Variants in RABL6 observed in about 807,000 individuals in gnomAD.
The protein encoded by RABL6 is RAB, member RAS oncogene family like 6.
RABL6 carries 28 observed loss-of-function variants against 72.9 expected under a neutral mutation model. The ratio of observed to expected loss-of-function variants is 0.38; its 90% CI spans 0.28 to 0.53. The LOEUF is 0.53. Ranked by LOEUF, RABL6 falls within the 20% of genes least tolerant of loss-of-function variation. The pLI, the probability that RABL6 is intolerant of heterozygous loss-of-function variation, is 0.80. For synonymous variants in RABL6, 477 were observed against 421.2 expected, an observed-to-expected ratio of 1.13 and a Z score of -1.62; for missense variants, 1,029 against 1,008.4, an observed-to-expected ratio of 1.02 and a Z score of -0.28.
At chr9:136,834,679 A>T (rs1025699519) in intron 7 of RABL6, among the ~76,000 whole-genome samples, 6 of 152,056 alleles carry the variant, frequency 3.9e-5, no homozygotes, top group African/African-American at 1.2e-4. Context: ...GGGTTTTGCC[A>T]TATTGGCCAG....
At chr9:136,818,849 C>G (rs1848180436) in intron 1 of RABL6, among the ~76,000 whole-genome samples, 1 of 152,084 alleles carries the variant, frequency 6.6e-6, no homozygotes, top group Admixed American at 6.5e-5. Flanking sequence ...AGTAACACAG[C>G]CCAGGGTGAA....
chr9:136,834,062 T>C lies in RABL6; in HGVS notation c.706-1680T>C, dbSNP rs374629962. The C allele has an allele frequency of 3.6e-5, 52 of 1,437,594 alleles. No homozygotes were observed. The African/African-American group carries it at 6.9e-4, about 19-fold the overall frequency. 89.1% of individuals were successfully genotyped at this position (1,437,594 alleles called of 1,614,324 possible). A position where few individuals can be genotyped will look rare whatever the true frequency, so the allele number is the denominator to read the frequency against. ...AGGGCTGAGCTGTGTGTGACTATCCTTTTGCTATGGATGTGTTCAAGCAGA... is the reference window on the plus strand; with the variant it reads ...AGGGCTGAGCTGTGTGTGACTATCCCTTTGCTATGGATGTGTTCAAGCAGA... On this transcript the variant is annotated intron_variant, in intron 7 of 14. Coordinates refer to ENST00000311502, the MANE Select transcript of RABL6 (RefSeq NM_024718.5).
At position 136,808,229 on chromosome 9, in the gene RABL6, G is replaced by C; in HGVS notation, c.33G>C (p.Ser11=). The C allele has an allele frequency of 1.3e-6, 2 of 1,559,510 alleles. No individual in the cohort carries two copies. Among genetic ancestry groups the C allele is most frequent in the Non-Finnish European group, 1.7e-6 (2 of 1,154,780 alleles). The change falls in exon 1 of 15, where the codon TCG becomes TCC. Residue 11 remains serine, a synonymous_variant. Transcript: ENST00000311502. The part of the protein sequence containing the change: MFSALKKLVG[S]DQAPGRDKNI... ...CCGCCCTGAAGAAGCTGGTGGGGTCGGACCAGGCCCCGGGCCGGGACAAGA... is the reference window on the plus strand; with the variant it reads ...CCGCCCTGAAGAAGCTGGTGGGGTCCGACCAGGCCCCGGGCCGGGACAAGA...
chr9:136,840,550 G>A lies in RABL6; in HGVS notation c.*28G>A. ...CGGCGTGGGCAGTGGCCGCCCTGGG[G>A]CGGGGGGCGTGCCTGTCACTGCCTG... is the stretch of plus-strand genomic sequence containing the variant. On this transcript the variant is annotated 3_prime_UTR_variant, in exon 15 of 15. Transcript: ENST00000311502. 2 of 1,546,432 alleles carry A rather than the reference G, an allele frequency of 1.3e-6. No homozygotes were observed. The highest frequency in any genetic ancestry group is 1.7e-6 in the Non-Finnish European group (2 of 1,146,034).
chr9:136,831,728 A>G lies in RABL6; in HGVS notation c.466A>G (p.Asn156Asp). 3 of 1,613,210 alleles carry G rather than the reference A, an allele frequency of 1.9e-6. No homozygotes were observed. The highest frequency in any genetic ancestry group is 2.5e-6 in the Non-Finnish European group (3 of 1,179,800). The change falls in exon 6 of 15, where the codon AAT (asparagine) becomes GAT (aspartate). Residue 156 changes from asparagine (N) to aspartate (D), a missense_variant. By Grantham distance (23) the Asn-to-Asp change is conservative (BLOSUM62 1). Around this residue, in one of 2 missense-constraint regions of RABL6, gnomAD observed 434 missense variants for 536.1 expected, o/e 0.81. Coordinates refer to ENST00000311502, the MANE Select transcript of RABL6 (RefSeq NM_024718.5). The stretch of plus-strand genomic sequence containing the variant: ...CCTCACCTGTTCTCCGAGGACCTTC[A>G]ATTACATTCTCCGGGAGCTTCCAAA... The part of the protein sequence containing the change: ...MFDITKQWTF[N>D]YILRELPKVP...
intron 2 of RABL6, 25 bp from the exon 3 acceptor site, chr9:136,825,754 A>G (rs771030563): frequency 6.2e-7 from 1 of 1,611,522 alleles, no homozygotes; most frequent in Non-Finnish European, 8.5e-7. Flanking sequence ...GTTGGGCACT[A>G]ATTTTAGGAT....
In RABL6 at chr9:136,825,846, T is replaced by C; in HGVS notation, c.313+20T>C. On this transcript the variant is annotated intron_variant, in intron 3 of 14. Coordinates refer to ENST00000311502, the MANE Select transcript of RABL6 (RefSeq NM_024718.5). ...ACAAAGGTGAGGCGTCTCTGTTCTG[T>C]GTCTGCTTCTCTCTGGGACTGTGTG... 3 of 1,604,418 alleles carry C rather than the reference T, an allele frequency of 1.9e-6. No individual in the cohort carries two copies. The highest frequency in any genetic ancestry group is 2.6e-6 in the Non-Finnish European group (3 of 1,171,284).
chr9:136,821,963 T>G, intron 1 of RABL6: 2 of 1,289,206 alleles, frequency 1.6e-6, no homozygotes, highest in South Asian at 1.2e-5. Context: ...CGCCGAGATA[T>G]GACCAGAGGC....
rs1242059578 is a variant in RABL6 at position 136,813,271 on chromosome 9, G to GA, written c.130+4947dup. On this transcript the variant is annotated intron_variant, in intron 1 of 14. Coordinates refer to ENST00000311502, the MANE Select transcript of RABL6 (RefSeq NM_024718.5). ...CTGCTTTATCATCTTCAAATGAAGCGAACTGTAAGTGCATGCACACCCTTT... is the reference window on the plus strand; with the variant it reads ...CTGCTTTATCATCTTCAAATGAAGCGAAACTGTAAGTGCATGCACACCCTTT... The GA allele has an allele frequency of 5.2e-6, 3 of 573,620 alleles. No individual in the cohort carries two copies. In the Admixed American group the frequency reaches 7.7e-5, roughly 15 times the overall value. 35.5% of individuals were successfully genotyped at this position (573,620 alleles called of 1,614,324 possible). A position where few individuals can be genotyped will look rare whatever the true frequency, so the allele number is the denominator to read the frequency against.
At chr9:136,829,839 C>T (rs1000181719) in intron 5 of RABL6, among the ~76,000 whole-genome samples, 4 of 152,254 alleles carry the variant, frequency 2.6e-5, no homozygotes, top group African/African-American at 7.2e-5. Flanking sequence ...TCTTCATGAC[C>T]TAGGAGGACC....
chr9:136,828,315 G>T (rs1316940074), intron 3 of RABL6, 179 bp from the exon 4 acceptor site: 3 of 627,362 alleles, frequency 4.8e-6, no homozygotes, highest in African/African-American at 1.8e-5. Flanking sequence ...CTACAGAGGG[G>T]CCTCGCCCAG....
Position 136,839,784 on chromosome 9 carries a change from C to G in RABL6, c.1849C>G (p.Pro617Ala). The G allele has an allele frequency of 6.2e-7, 1 of 1,612,878 alleles. No homozygotes were observed. ...GCCCCCACCCCCCAAGCTCCCTCTC[C>G]CCGCCTTCAGACTGAAGAATGACTC... is the stretch of plus-strand genomic sequence containing the variant. ...EPPPPPKLPL[P>A]AFRLKNDSDL... is the part of the protein sequence containing the mutation. Residue 617 changes from proline to alanine, a missense_variant, in exon 13 of 15, where the codon CCC becomes GCC. Pro to Ala is a conservative substitution (Grantham distance 27). Around this residue, in one of 2 missense-constraint regions of RABL6, gnomAD observed 595 missense variants for 472.4 expected, o/e 1.26. Coordinates refer to ENST00000311502, the MANE Select transcript of RABL6 (RefSeq NM_024718.5).
At chr9:136,837,108 C>G in intron 8 of RABL6, 1 of 660,268 alleles carries the variant, frequency 1.5e-6, no homozygotes, top group South Asian at 1.6e-5. Flanking sequence ...ACCTCCTGAC[C>G]TCGTGATCTG....
intron 10 of RABL6, 21 bp downstream of exon 10, chr9:136,838,036 T>G (rs773108389): frequency 3.5e-5 from 54 of 1,550,696 alleles, no homozygotes; most frequent in Non-Finnish European, 4.7e-5. Flanking sequence ...GGCCTGGGCC[T>G]CCTCTCCCAT....
chr9:136,822,250 C>T (rs1285339158), intron 1 of RABL6, among the ~76,000 whole-genome samples: 2 of 152,192 alleles, frequency 1.3e-5, no homozygotes, highest in South Asian at 2.1e-4. Context: ...GATGGGGGAG[C>T]GGGCGGGAGG....
chr9:136,837,307 C>T, intron 8 of RABL6, 39 bp from the exon 9 acceptor site: 1 of 1,566,294 alleles, frequency 6.4e-7, no homozygotes, highest in Non-Finnish European at 8.7e-7. Context: ...CAGGGAGAGG[C>T]AGGGGAGCCA....
chr9:136,825,909 C>T (rs1021827920), intron 3 of RABL6, 83 bp downstream of exon 3: 3 of 1,476,034 alleles, frequency 2.0e-6, no homozygotes, highest in African/African-American at 1.4e-5. Flanking sequence ...CCCCCGGCGC[C>T]CATGCATCAC....
chr9:136,823,237 C>G (rs1263129599), intron 1 of RABL6, among the ~76,000 whole-genome samples: 2 of 152,038 alleles, frequency 1.3e-5, no homozygotes, highest in Non-Finnish European at 2.9e-5. Context: ...AGGGCAGAAC[C>G]ACGTCCTCCA....
chr9:136,833,956 C>T, intron 7 of RABL6: 3 of 1,543,872 alleles, frequency 1.9e-6, no homozygotes, highest in Non-Finnish European at 2.6e-6. Context: ...GCTCCATTCC[C>T]TAATGGTTTG....
Sources: allele counts gnomAD v4.1 joint callset (sites outside exome capture counted in the v4.1 genomes callset), GRCh38; gene constraint gnomAD v4.1.1; regional missense constraint gnomAD v4.1.1; transcripts MANE v1.5; gene names NCBI Gene and HGNC (gene_info 2026-07-23, HGNC 2026-07-21).